Variants in PIP4K2A observed in about 807,000 individuals in gnomAD.
The protein encoded by PIP4K2A is phosphatidylinositol 5-phosphate 4-kinase type-2 alpha.
A neutral mutation model predicts 42.9 loss-of-function variants in PIP4K2A; 14 were observed. That is an observed-to-expected ratio of 0.33 (90% confidence interval 0.22 to 0.51). PIP4K2A has a LOEUF of 0.51. Ranked by LOEUF, PIP4K2A falls within the 20% of genes least tolerant of loss-of-function variation. The pLI, the probability that PIP4K2A is intolerant of heterozygous loss-of-function variation, is 0.97. For missense variants in PIP4K2A, 434 were observed against 519.8 expected, an observed-to-expected ratio of 0.83 and a Z score of 1.61; for synonymous variants, 192 against 192.2, an observed-to-expected ratio of 1.00 and a Z score of 0.01.
chr10:22,610,241 C>A (rs796402219), intron 1 of PIP4K2A, among the ~76,000 whole-genome samples: 3 of 152,260 alleles, frequency 2.0e-5, no homozygotes, highest in African/African-American at 7.2e-5. Context: ...AAAAGAAGAA[C>A]CTCCATTCAG....
In PIP4K2A at chr10:22,638,502, C is replaced by T. The variant is rs372833481; in HGVS notation, c.145-28785G>A. Among the ~76,000 whole-genome samples, 13 of 152,236 alleles carry T rather than the reference C, an allele frequency of 8.5e-5. No homozygotes were observed. In the East Asian group the frequency reaches 1.5e-3, roughly 18 times the overall value. ...AAAGCATTCCTATTCAAACTAAATACGTAACCAAAAGGAAAGAGCAGGAAG... is the reference window on the plus strand; with the variant it reads ...AAAGCATTCCTATTCAAACTAAATATGTAACCAAAAGGAAAGAGCAGGAAG... On this transcript the variant is annotated intron_variant, in intron 1 of 9. Transcript: ENST00000376573.
intron 1 of PIP4K2A, chr10:22,713,948 C>T (rs940037152): frequency 7.7e-6 from 3 of 387,254 alleles, no homozygotes; most frequent in Non-Finnish European, 1.4e-5. Context: ...GCACACGGGA[C>T]CCCCGACCCG....
At chr10:22,555,785 C>T (rs570551731) in intron 6 of PIP4K2A, among the ~76,000 whole-genome samples, 2 of 151,588 alleles carry the variant, frequency 1.3e-5, no homozygotes, top group Non-Finnish European at 2.9e-5. Context: ...TTTATGATGT[C>T]GGTAATCTAA....
chr10:22,541,517 T>C (rs1836113039), intron 8 of PIP4K2A, among the ~76,000 whole-genome samples: 1 of 152,226 alleles, frequency 6.6e-6, no homozygotes, highest in Admixed American at 6.5e-5. Flanking sequence ...TGTATGCCAG[T>C]GTGTATGTGC....
At chr10:22,613,294 C>A (rs1838097441) in intron 1 of PIP4K2A, among the ~76,000 whole-genome samples, 1 of 151,788 alleles carries the variant, frequency 6.6e-6, no homozygotes, top group Admixed American at 6.6e-5. Flanking sequence ...TTCTAAGGAG[C>A]CTGGCAGGGA....
chr10:22,559,730 C>T (rs1237732263), intron 6 of PIP4K2A, among the ~76,000 whole-genome samples: 2 of 152,204 alleles, frequency 1.3e-5, no homozygotes, highest in African/African-American at 4.8e-5. Context: ...CAGGCCAGGA[C>T]TTCTCCAAGT....
At chr10:22,672,917 G>A (rs547108383) in intron 1 of PIP4K2A, among the ~76,000 whole-genome samples, 2 of 152,298 alleles carry the variant, frequency 1.3e-5, no homozygotes, top group South Asian at 2.1e-4. Flanking sequence ...GAAAATGAGT[G>A]AGTTCCTGAG....
chr10:22,652,383 A>G (rs1438695152), intron 1 of PIP4K2A, among the ~76,000 whole-genome samples: 1 of 152,114 alleles, frequency 6.6e-6, no homozygotes, highest in Admixed American at 6.6e-5. Flanking sequence ...ATCCTCCCAA[A>G]GTACAGGGAT....
chr10:22,653,938 G>A (rs77419801), intron 1 of PIP4K2A, among the ~76,000 whole-genome samples: 16,891 of 152,208 alleles, frequency 0.11, 1,028 homozygotes, highest in Middle Eastern at 0.21. Context: ...CTGAAGAACT[G>A]GCAATCTGCA....
rs567561827 is a variant in PIP4K2A, at chr10:22,608,276, C to T, written c.243-253G>A. 5.9e-5 allele frequency among the ~76,000 whole-genome samples: 9 copies of T among 152,312 alleles called. No individual in the cohort carries two copies. The South Asian group carries it at 6.2e-4, about 11-fold the overall frequency. Reference sequence around the variant, plus strand: ...GACCTCTTTAAATCCTGGCCACACACTGCAGCCATTCCTCAAAGAACAAGA... The same window carrying T: ...GACCTCTTTAAATCCTGGCCACACATTGCAGCCATTCCTCAAAGAACAAGA... On this transcript the variant is annotated intron_variant, in intron 2 of 9. Transcript: ENST00000376573.
At chr10:22,607,671 C>T (rs1837934745) in intron 3 of PIP4K2A, 1 of 245,172 alleles carries the variant, frequency 4.1e-6, no homozygotes, top group East Asian at 8.7e-5. Flanking sequence ...TTATATAAAA[C>T]CCTCACATGC....
chr10:22,655,374 C>A (rs978153540), intron 1 of PIP4K2A, among the ~76,000 whole-genome samples: 3 of 152,212 alleles, frequency 2.0e-5, no homozygotes, highest in African/African-American at 7.2e-5. Flanking sequence ...AGGTGGAGGT[C>A]TGTTTGTGAC....
At chr10:22,639,029 C>T (rs1282876154) in intron 1 of PIP4K2A, among the ~76,000 whole-genome samples, 1 of 152,102 alleles carries the variant, frequency 6.6e-6, no homozygotes, top group Non-Finnish European at 1.5e-5. Context: ...TAGCCCATAC[C>T]TTCAACTAAA....
intron 1 of PIP4K2A, among the ~76,000 whole-genome samples, chr10:22,713,422 A>T (rs1421089573): frequency 6.6e-6 from 1 of 151,508 alleles, no homozygotes; most frequent in Non-Finnish European, 1.5e-5. Context: ...GCAGTCGGTG[A>T]CTTCTGCCTG....
intron 1 of PIP4K2A, among the ~76,000 whole-genome samples, chr10:22,688,976 T>C (rs1188959243): frequency 6.6e-6 from 1 of 152,206 alleles, no homozygotes; most frequent in Non-Finnish European, 1.5e-5. Flanking sequence ...TCATCAAGAA[T>C]TAGATTCATG....
chr10:22,585,960 C>T (rs1325659738), intron 4 of PIP4K2A, among the ~76,000 whole-genome samples: 4 of 140,700 alleles, frequency 2.8e-5, no homozygotes, highest in African/African-American at 1.1e-4. Flanking sequence ...GAATTCACGT[C>T]AGTGCGGGGA....
At chr10:22,670,558 G>A (rs1839428724) in intron 1 of PIP4K2A, among the ~76,000 whole-genome samples, 1 of 152,102 alleles carries the variant, frequency 6.6e-6, no homozygotes, top group Non-Finnish European at 1.5e-5. Context: ...ATCGATTCCA[G>A]GGGCTAATAG....
chr10:22,681,131 C>G (rs1053423922), intron 1 of PIP4K2A, among the ~76,000 whole-genome samples: 1 of 152,222 alleles, frequency 6.6e-6, no homozygotes, highest in Non-Finnish European at 1.5e-5. Flanking sequence ...CATTTCTTCT[C>G]AAATGTATCG....
At chr10:22,706,991 A>G (rs1397735245) in intron 1 of PIP4K2A, among the ~76,000 whole-genome samples, 3 of 152,250 alleles carry the variant, frequency 2.0e-5, no homozygotes, top group African/African-American at 7.2e-5. Context: ...AGATATTAAA[A>G]AAAAAAATAG....
Sources: gnomAD v4.1 joint callset for allele counts (sites outside exome capture counted in the v4.1 genomes callset) on GRCh38, gnomAD v4.1.1 for gene constraint, MANE v1.5 for transcripts, NCBI Gene and HGNC (gene_info 2026-07-23, HGNC 2026-07-21) for gene names.